The following UNC93A variants were observed in gnomAD, a reference collection of about 807,000 sequenced individuals.
UNC93A encodes the protein unc-93 homolog A.
Under a neutral mutation model 47.5 loss-of-function variants are expected in UNC93A, and 43 were observed. The ratio of observed to expected loss-of-function variants is 0.91; its 90% CI spans 0.71 to 1.17. The LOEUF is 1.17. Ranked by LOEUF, UNC93A falls within the 50% of genes most tolerant of loss-of-function variation. The probability of loss-of-function intolerance (pLI) is 0.00; values close to 1 mark genes in which losing one functional copy is unlikely to be tolerated. For missense variants in UNC93A, 605 were observed against 577.6 expected, an observed-to-expected ratio of 1.05 and a Z score of -0.49; for synonymous variants, 280 against 258.0, an observed-to-expected ratio of 1.09 and a Z score of -0.82.
chr6:167,281,295 G>A (rs1382008098), intron 1 of UNC93A, among the ~76,000 whole-genome samples: 1 of 152,096 alleles, frequency 6.6e-6, no homozygotes, highest in African/African-American at 2.4e-5. Context: ...CCCACCAAGG[G>A]GAGACTCAGG....
At chr6:167,301,173 G>T (rs1289422945) in intron 4 of UNC93A, among the ~76,000 whole-genome samples, 2 of 152,230 alleles carry the variant, frequency 1.3e-5, no homozygotes, top group African/African-American at 4.8e-5. Context: ...GCCCTTCATT[G>T]CCAGCTGTCC....
At chr6:167,272,330 C>T (rs990421607) in intron 1 of UNC93A, among the ~76,000 whole-genome samples, 7 of 152,216 alleles carry the variant, frequency 4.6e-5, no homozygotes, top group Admixed American at 6.5e-5. Flanking sequence ...GGCCTGCTCC[C>T]GGTCCCAGTG....
chr6:167,294,555 G>A lies in UNC93A; in HGVS notation c.126G>A (p.Ala42=), dbSNP rs202134214. The A allele has an allele frequency of 1.4e-5, 22 of 1,614,026 alleles. No homozygotes were observed. Among genetic ancestry groups the A allele is most frequent in the East Asian group, 1.1e-4 (5 of 44,866 alleles). Residue 42 remains alanine (A), a synonymous_variant, in exon 2 of 8, where the codon GCG becomes GCA. Transcript: ENST00000230256. ...LYSEEGLGVT[A]LSTLYGGMLL... is the part of the protein sequence containing the mutation. ...GCGAGGAGGGCCTGGGTGTCACAGC[G>A]CTCAGCACCCTCTATGGAGGCATGC...
chr6:167,287,101 C>A (rs1313176790), upstream of UNC93A, among the ~76,000 whole-genome samples: 6 of 152,056 alleles, frequency 3.9e-5, no homozygotes, highest in African/African-American at 1.2e-4. Flanking sequence ...GCTTCCTCGG[C>A]TATCCAATCA....
chr6:167,287,714 T>TGTGTGTGTGTGC (rs1783764092), upstream of UNC93A, among the ~76,000 whole-genome samples: 1 of 144,070 alleles, frequency 6.9e-6, no homozygotes, highest in Non-Finnish European at 1.5e-5. Context: ...TGTGTGCATA[T>TGTGTGTGTGTGC]GTGTGTGTGT....
At chr6:167,293,674 G>A (rs1015739981) in intron 1 of UNC93A, among the ~76,000 whole-genome samples, 30 of 152,184 alleles carry the variant, frequency 2.0e-4, no homozygotes, top group African/African-American at 7.2e-4. Context: ...CAGCCCCAGT[G>A]AGAAGACAGG....
At position 167,315,748 on chromosome 6, in the gene UNC93A, A is replaced by T. The variant is rs1778675834; in HGVS notation, c.*296A>T. The T allele has an allele frequency of 7.0e-6, 2 of 284,108 alleles. No individual in the cohort carries two copies. The highest frequency in any genetic ancestry group is 1.3e-5 in the Non-Finnish European group (2 of 157,018). The allele number at this position is 284,108 out of a possible 1,614,324, so 17.6% of individuals were successfully genotyped here. A position where few individuals can be genotyped will look rare whatever the true frequency, so the allele number is the denominator to read the frequency against. On this transcript the variant is annotated 3_prime_UTR_variant, in exon 8 of 8. Coordinates refer to ENST00000230256, the MANE Select transcript of UNC93A (RefSeq NM_018974.4). ...AATTAGAATTTGCCTGAAATCATAGACTCACCCTAGTTTTATTGCTGTAGT... is the reference window on the plus strand; with the variant it reads ...AATTAGAATTTGCCTGAAATCATAGTCTCACCCTAGTTTTATTGCTGTAGT...
chr6:167,270,561 G>A (rs147039154), upstream of UNC93A, among the ~76,000 whole-genome samples: 2 of 152,174 alleles, frequency 1.3e-5, no homozygotes, highest in Non-Finnish European at 2.9e-5. Flanking sequence ...GGGTTGAGTT[G>A]CATCCCCCGG....
chr6:167,269,920 T>C (rs1415401415), upstream of UNC93A, among the ~76,000 whole-genome samples: 2 of 152,064 alleles, frequency 1.3e-5, no homozygotes, highest in African/African-American at 2.4e-5. Flanking sequence ...CGGCCAATAA[T>C]GGCACTTTTT....
chr6:167,275,208 GTC>G (rs1459724273), intron 1 of UNC93A, among the ~76,000 whole-genome samples: 2 of 152,196 alleles, frequency 1.3e-5, no homozygotes, highest in African/African-American at 4.8e-5. Context: ...ACTCTGCAGG[GTC>G]TTTGGGTTCC....
chr6:167,294,512 C>T lies in UNC93A; in HGVS notation c.88-5C>T. 6.2e-7 allele frequency: 1 copy of T among 1,613,882 alleles called. No homozygotes were observed. The highest frequency in any genetic ancestry group is 2.2e-5 in the East Asian group (1 of 44,870). On this transcript the variant is annotated splice_polypyrimidine_tract_variant and splice_region_variant and intron_variant, in intron 1 of 7. Coordinates refer to ENST00000230256, the MANE Select transcript of UNC93A (RefSeq NM_018974.4). ...GCTCTGACAGGGCTGGCTTTGTTCC[C>T]ACAGAGCAGCCTGTACAGCGAGGAG...
intron 7 of UNC93A, among the ~76,000 whole-genome samples, chr6:167,312,100 T>C (rs1311798392): frequency 6.6e-6 from 1 of 152,116 alleles, no homozygotes; most frequent in Non-Finnish European, 1.5e-5. Context: ...ACCTGGACCC[T>C]TTTGAAGAGC....
intron 7 of UNC93A, 24 bp downstream of exon 7, chr6:167,307,934 T>C (rs763171558): frequency 3.1e-6 from 5 of 1,611,976 alleles, no homozygotes; most frequent in Non-Finnish European, 4.2e-6. Context: ...CCAGGCCCCT[T>C]CCTCTGTGGC....
chr6:167,306,312 C>T (rs138330951), intron 6 of UNC93A, among the ~76,000 whole-genome samples: 3 of 152,292 alleles, frequency 2.0e-5, no homozygotes, highest in Non-Finnish European at 2.9e-5. Flanking sequence ...AGTGGGCACT[C>T]GGTGTGGTGA....
At chr6:167,270,105 G>A (rs80101451), upstream of UNC93A, among the ~76,000 whole-genome samples, 2,696 of 150,494 alleles carry the variant, frequency 0.018, 77 homozygotes, top group African/African-American at 0.063. Context: ...CCACCCCACC[G>A]CGTTTATATC....
intron 1 of UNC93A, among the ~76,000 whole-genome samples, chr6:167,274,797 A>T (rs540917573): frequency 3.2e-4 from 49 of 152,322 alleles, no homozygotes; most frequent in African/African-American, 9.1e-4. Flanking sequence ...CTAGCGAGTA[A>T]TGAAGTAATA....
intron 1 of UNC93A, among the ~76,000 whole-genome samples, chr6:167,279,635 G>A (rs1381436693): frequency 6.6e-6 from 1 of 152,138 alleles, no homozygotes; most frequent in African/African-American, 2.4e-5. Context: ...CCGGGAATCA[G>A]AAAACATATT....
At chr6:167,280,149 A>G (rs1361902102) in intron 1 of UNC93A, among the ~76,000 whole-genome samples, 2 of 152,142 alleles carry the variant, frequency 1.3e-5, no homozygotes, top group African/African-American at 4.8e-5. Flanking sequence ...CAAGGTACAG[A>G]TGTAACTGTA....
chr6:167,291,972 G>T (rs146430423), intron 1 of UNC93A, among the ~76,000 whole-genome samples: 3 of 152,292 alleles, frequency 2.0e-5, no homozygotes, highest in African/African-American at 7.2e-5. Flanking sequence ...AATGTCACTA[G>T]ACCTTATACA....
Sources: allele counts gnomAD v4.1 joint callset (sites outside exome capture counted in the v4.1 genomes callset), GRCh38; gene constraint gnomAD v4.1.1; transcripts MANE v1.5; gene names NCBI Gene and HGNC (gene_info 2026-07-23, HGNC 2026-07-21).